FAT4: variants seen among roughly 807,000 people sequenced by gnomAD.
The protein encoded by FAT4 is protocadherin Fat 4.
Under a neutral mutation model 303.9 loss-of-function variants are expected in FAT4, and 84 were observed. That is an observed-to-expected ratio of 0.28 (90% CI 0.23 to 0.33). The LOEUF (loss-of-function observed/expected upper bound fraction) is 0.33. Ranked by LOEUF, FAT4 falls within the 10% of genes least tolerant of loss-of-function variation. The pLI, the probability that FAT4 is intolerant of heterozygous loss-of-function variation, is 1.00. For synonymous variants in FAT4, 2,307 were observed against 2,298.8 expected, an observed-to-expected ratio of 1.00 and a Z score of -0.10; for missense variants, 6,005 against 6,146.8, an observed-to-expected ratio of 0.98 and a Z score of 0.77.
rs573764401 is a variant in FAT4 at position 125,379,545 on chromosome 4, G to T, written c.5176-19239G>T. ...TGCAATCTCGGCTCACTGTAACCTT[G>T]GCCTCCTGGCTTCAAGCAATTCTTT... On this transcript the variant is annotated intron_variant, in intron 2 of 17. Coordinates refer to ENST00000394329, the MANE Select transcript of FAT4 (RefSeq NM_001291303.3). 1.8e-4 allele frequency among the ~76,000 whole-genome samples: 28 copies of T among 151,508 alleles called. 2 individuals carry two copies. In the South Asian group the frequency reaches 4.6e-3, roughly 25 times the overall value.
chr4:125,417,592 G>A (rs565311498), intron 7 of FAT4, among the ~76,000 whole-genome samples: 2 of 152,280 alleles, frequency 1.3e-5, no homozygotes, highest in East Asian at 1.9e-4. Context: ...AGGATTCTAA[G>A]TTATGGAGGG....
chr4:125,432,562 T>A (rs185716985), intron 7 of FAT4, among the ~76,000 whole-genome samples: 1 of 152,322 alleles, frequency 6.6e-6, no homozygotes. Context: ...GTGAAATATT[T>A]GTTGCATAAT....
intron 17 of FAT4, 63 bp downstream of exon 17, chr4:125,487,669 T>C (rs749767459): frequency 1.9e-5 from 28 of 1,480,594 alleles, no homozygotes; most frequent in Non-Finnish European, 2.5e-5. Context: ...AAGTAATTGC[T>C]TTTTCTTGTG....
chr4:125,449,591 A>G lies in FAT4; in HGVS notation c.8581A>G (p.Thr2861Ala), dbSNP rs761161191. The stretch of plus-strand genomic sequence containing the variant: ...TGGGTGGACTGTAAGTACAGATGTC[A>G]CAATATTTGTGACAGACATCAATGA... Reference protein sequence around the residue: ...DSGWTVSTDVTIFVTDINDNA... With the variant: ...DSGWTVSTDVAIFVTDINDNA... The change falls in exon 10 of 18, where the codon ACA becomes GCA. Residue 2861 changes from threonine to alanine, a missense_variant. By Grantham distance (58) the Thr-to-Ala change is moderately conservative. Transcript: ENST00000394329. 3.1e-6 allele frequency: 5 copies of G among 1,613,804 alleles called. No individual in the cohort carries two copies. In the South Asian group the frequency reaches 3.3e-5, roughly 11 times the overall value.
chr4:125,380,224 T>TA (rs1419244958), intron 2 of FAT4, among the ~76,000 whole-genome samples: 1 of 152,162 alleles, frequency 6.6e-6, no homozygotes, highest in Non-Finnish European at 1.5e-5. Context: ...TGAATGCAGA[T>TA]AGTTACCTAC....
chr4:125,446,856 T>C (rs2126055154), intron 9 of FAT4, among the ~76,000 whole-genome samples: 1 of 152,028 alleles, frequency 6.6e-6, no homozygotes, highest in East Asian at 1.9e-4. Flanking sequence ...TGGCCTGAGG[T>C]ATAACTTTGT....
chr4:125,328,997 AT>A (rs1322273124), intron 2 of FAT4, among the ~76,000 whole-genome samples: 1 of 152,210 alleles, frequency 6.6e-6, no homozygotes, highest in Non-Finnish European at 1.5e-5. Flanking sequence ...ATAAAATGAA[AT>A]TTTGGTGATG....
At chr4:125,477,383 A>C (rs148988132) in intron 14 of FAT4, 49 bp downstream of exon 14, 1 of 1,437,998 alleles carries the variant, frequency 7.0e-7, no homozygotes, top group Non-Finnish European at 9.4e-7. Flanking sequence ...AATGCAAAAA[A>C]GTATGCTTCA....
At chr4:125,478,138 G>T (rs1200950924) in intron 14 of FAT4, among the ~76,000 whole-genome samples, 1 of 152,086 alleles carries the variant, frequency 6.6e-6, no homozygotes, top group Non-Finnish European at 1.5e-5. Context: ...TTTTTTGGAT[G>T]AGATTACCAG....
intron 4 of FAT4, 117 bp downstream of exon 4, chr4:125,407,258 TA>T (rs879933450): frequency 4.7e-6 from 4 of 854,706 alleles, no homozygotes; most frequent in South Asian, 1.8e-5. Flanking sequence ...CTACTAGTTA[TA>T]AAAATATATA....
Position 125,319,918 on chromosome 4 carries a change from G to A in FAT4, c.3507G>A (p.Arg1169=). The A allele has an allele frequency of 2.5e-6, 4 of 1,613,902 alleles. No individual in the cohort carries two copies. Among genetic ancestry groups the A allele is most frequent in the Non-Finnish European group, 3.4e-6 (4 of 1,180,014 alleles). The change falls in exon 2 of 18, where the codon CGG becomes CGA. Residue 1169 remains arginine, a synonymous_variant. Transcript: ENST00000394329. ...HQFDRESLMR[R]RGTAVFSFTV... is the part of the protein sequence containing the mutation. ...TTGACAGGGAGTCTCTTATGAGGCGGAGAGGGACTGCTGTGTTTAGCTTTA... is the reference window on the plus strand; with the variant it reads ...TTGACAGGGAGTCTCTTATGAGGCGAAGAGGGACTGCTGTGTTTAGCTTTA...
chr4:125,410,972 A>C lies in FAT4; in HGVS notation c.5920+2178A>C, dbSNP rs1437500555. On this transcript the variant is annotated intron_variant, in intron 5 of 17. Transcript: ENST00000394329. ...TTCCTATTCTTTCTGAATTTCAAGGACAGTGATAAGGCTATACAAAGGTAA... is the reference window on the plus strand; with the variant it reads ...TTCCTATTCTTTCTGAATTTCAAGGCCAGTGATAAGGCTATACAAAGGTAA... Among the ~76,000 whole-genome samples, 13 of 152,128 alleles carry C rather than the reference A, an allele frequency of 8.5e-5. 2 individuals carry two copies. Among genetic ancestry groups the C allele is most frequent in the Admixed American group, 8.5e-4 (13 of 15,254 alleles).
intron 2 of FAT4, among the ~76,000 whole-genome samples, chr4:125,379,502 C>A (rs58972262): frequency 0.095 from 14,474 of 151,982 alleles, 1,034 homozygotes; most frequent in East Asian, 0.22. Flanking sequence ...CTCTGTCACC[C>A]AGGCTGGAGT....
Position 125,446,412 on chromosome 4 carries a change from G to C in FAT4, c.7319G>C (p.Ser2440Thr). 1 of 1,613,584 alleles carries C rather than the reference G, an allele frequency of 6.2e-7. No homozygotes were observed. Among genetic ancestry groups the C allele is most frequent in the Non-Finnish European group, 8.5e-7 (1 of 1,179,610 alleles). The change falls in exon 9 of 18, where the codon AGT becomes ACT. Residue 2440 changes from serine to threonine, a missense_variant. Coordinates refer to ENST00000394329, the MANE Select transcript of FAT4 (RefSeq NM_001291303.3). ...KDNYTLVVVC[S>T]DAGSPEPLSS... ...AATTATACTTTGGTAGTGGTCTGCA[G>C]TGATGCGGGATCCCCAGAGCCTCTT...
chr4:125,317,664 G>T lies in FAT4; in HGVS notation c.1253G>T (p.Ser418Ile), dbSNP rs541961072. 6.2e-7 allele frequency: 1 copy of T among 1,614,102 alleles called. No homozygotes were observed. The highest frequency in any genetic ancestry group is 1.1e-5 in the South Asian group (1 of 91,070). ...EVQSSKVPNL[S>I]LIKVASALDR... is the part of the protein sequence containing the mutation. ...CAAAGCAGCAAAGTGCCGAACCTGA[G>T]CCTAATCAAGGTGGCCAGCGCCTTG... The change falls in exon 2 of 18, where the codon AGC (serine) becomes ATC (isoleucine). Residue 418 changes from serine to isoleucine, a missense_variant. Coordinates refer to ENST00000394329, the MANE Select transcript of FAT4 (RefSeq NM_001291303.3). The surrounding 1 kb of genome is among the most constrained non-coding windows in gnomAD (Gnocchi z 7.0).
chr4:125,491,409 T>C lies in FAT4; in HGVS notation c.14593T>C (p.Tyr4865His). ...MEYDREKPMV[Y>H]TSRMPKLSQV... Reference sequence around the variant, plus strand: ...ATATGACAGGGAGAAGCCAATGGTATATACTTCCAGAATGCCCAAATTATC... The same window carrying C: ...ATATGACAGGGAGAAGCCAATGGTACATACTTCCAGAATGCCCAAATTATC... The change falls in exon 18 of 18, where the codon TAT becomes CAT. Residue 4865 changes from tyrosine (Y) to histidine (H), a missense_variant. Transcript: ENST00000394329. 6.2e-7 allele frequency: 1 copy of C among 1,614,138 alleles called. No homozygotes were observed. Among genetic ancestry groups the C allele is most frequent in the Non-Finnish European group, 8.5e-7 (1 of 1,180,002 alleles).
chr4:125,393,738 T>C (rs1734060975), intron 2 of FAT4, among the ~76,000 whole-genome samples: 1 of 152,206 alleles, frequency 6.6e-6, no homozygotes, highest in African/African-American at 2.4e-5. Context: ...GTAACAATAT[T>C]TAAAGGCATA....
At chr4:125,472,196 C>G (rs1276798132) in intron 12 of FAT4, among the ~76,000 whole-genome samples, 1 of 151,814 alleles carries the variant, frequency 6.6e-6, no homozygotes, top group South Asian at 2.1e-4. Flanking sequence ...AAATAAGTGC[C>G]CTTAAATCAT....
rs765373397 is a variant in FAT4 at position 125,318,045 on chromosome 4, C to T, written c.1634C>T (p.Ala545Val). Residue 545 changes from alanine (A) to valine (V), a missense_variant, in exon 2 of 18, where the codon GCT (alanine) becomes GTT (valine). Coordinates refer to ENST00000394329, the MANE Select transcript of FAT4 (RefSeq NM_001291303.3). ...GSSGGLDREL[A>V]SQIVLNISAR... is the part of the protein sequence containing the mutation. ...TCTGGGGGCCTGGACCGTGAACTTG[C>T]TTCCCAGATTGTTCTGAATATAAGT... 6 of 1,614,180 alleles carry T rather than the reference C, an allele frequency of 3.7e-6. No individual in the cohort carries two copies. In the East Asian group the frequency reaches 8.9e-5, roughly 24 times the overall value.
Sources: gnomAD v4.1 joint callset for allele counts (sites outside exome capture counted in the v4.1 genomes callset) on GRCh38, gnomAD v4.1.1 for gene constraint, Gnocchi (gnomAD v3.1) non-coding constraint, MANE v1.5 for transcripts, NCBI Gene and HGNC (gene_info 2026-07-23, HGNC 2026-07-21) for gene names.